ZMYM6: variants seen among roughly 807,000 people sequenced by gnomAD.
ZMYM6 encodes the protein zinc finger MYM-type protein 6.
A neutral mutation model predicts 134.0 loss-of-function variants in ZMYM6; 90 were observed. The observed-to-expected ratio is 0.67, with a 90% CI of 0.57 to 0.80. ZMYM6 has a LOEUF of 0.80. Among genes scored for constraint, ZMYM6 ranks in the 30% least tolerant of loss-of-function variants. The pLI is 0.00. For synonymous variants in ZMYM6, 481 were observed against 524.1 expected, an observed-to-expected ratio of 0.92 and a Z score of 1.12; for missense variants, 1,362 against 1,533.9, an observed-to-expected ratio of 0.89 and a Z score of 1.87.
In ZMYM6 at chr1:34,999,726, A is replaced by G. The variant is rs371038009; in HGVS notation, c.1992+4242T>C. Among the ~76,000 whole-genome samples, 9 of 152,344 alleles carry G rather than the reference A, an allele frequency of 5.9e-5. No individual in the cohort carries two copies. In the East Asian group the frequency reaches 1.2e-3, roughly 20 times the overall value. On this transcript the variant is annotated intron_variant, in intron 14 of 15. Coordinates refer to ENST00000357182, the MANE Select transcript of ZMYM6 (RefSeq NM_007167.4). Reference sequence around the variant, plus strand: ...ACAATAAGATACCACCAAACAGATTAGCAAAAAAAGTTTAAATTTGACAAC... The same window carrying G: ...ACAATAAGATACCACCAAACAGATTGGCAAAAAAAGTTTAAATTTGACAAC...
chr1:35,015,043 G>A lies in ZMYM6; in HGVS notation c.548C>T (p.Thr183Ile). The A allele has an allele frequency of 1.2e-6, 2 of 1,613,866 alleles. No homozygotes were observed. Among genetic ancestry groups the A allele is most frequent in the East Asian group, 2.2e-5 (1 of 44,870 alleles). ...AGTTGAAATGCTTTTGGTATATATG[G>A]TAACAACAGGTTTTTTCTTTAGCTC... ...SYELKKKPVV[T>I]IYTKSISTKC... The change falls in exon 5 of 16, where the codon ACC becomes ATC. Residue 183 changes from threonine (T) to isoleucine (I), a missense_variant. Coordinates refer to ENST00000357182, the MANE Select transcript of ZMYM6 (RefSeq NM_007167.4).
chr1:35,020,566 T>C (rs1344542410), intron 2 of ZMYM6, 99 bp from the exon 3 acceptor site: 42 of 332,584 alleles, frequency 1.3e-4, no homozygotes, highest in Middle Eastern at 1.0e-3. Context: ...CCTATTCATC[T>C]CCTTTTTTTT....
intron 15 of ZMYM6, chr1:34,990,218 C>T (rs1045503069): frequency 2.6e-5 from 5 of 191,448 alleles, no homozygotes; most frequent in Non-Finnish European, 5.9e-5. Flanking sequence ...CGGTGGCTCA[C>T]GCTTGTAATC....
At position 34,987,953 on chromosome 1, in the gene ZMYM6, A is replaced by G. The variant is rs1331288186; in HGVS notation, c.3129T>C (p.Asn1043=). 6.4e-7 allele frequency: 1 copy of G among 1,551,538 alleles called. No individual in the cohort carries two copies. The highest frequency in any genetic ancestry group is 2.4e-5 in the East Asian group (1 of 40,928). The change falls in exon 16 of 16, where the codon AAT becomes AAC. Residue 1043 remains asparagine, a synonymous_variant. Transcript: ENST00000357182. ...TTGTTAACATACGTGAATTTAATGC[A>G]TTGCTCTTTATAAAACTTAAAATTT... The part of the protein sequence containing the change: ...SAQILSFIKS[N]ALNSRMLTIL...
chr1:35,018,067 A>C (rs1641235810), intron 4 of ZMYM6: 1 of 152,150 alleles, frequency 6.6e-6, no homozygotes, highest in Admixed American at 6.6e-5. Context: ...TCTCCTGGCC[A>C]CATGTGATGG....
At chr1:34,992,040 C>A in intron 15 of ZMYM6, 194 bp downstream of exon 15, 1 of 712,440 alleles carries the variant, frequency 1.4e-6, no homozygotes, top group Non-Finnish European at 2.4e-6. Flanking sequence ...ATTATAATAG[C>A]TTGTTATGAT....
intron 4 of ZMYM6, chr1:35,018,431 T>C (rs1641244559): frequency 6.6e-6 from 1 of 151,900 alleles, no homozygotes; most frequent in East Asian, 1.9e-4. Context: ...AAAGACAAAA[T>C]AGGGGCCTAC....
At position 34,992,398 on chromosome 1, in the gene ZMYM6, G is replaced by C. The variant is rs1276766158; in HGVS notation, c.1993-11C>G. 1 of 1,606,084 alleles carries C rather than the reference G, an allele frequency of 6.2e-7. No homozygotes were observed. Among genetic ancestry groups the C allele is most frequent in the Non-Finnish European group, 8.5e-7 (1 of 1,178,048 alleles). ...TTCCTGTGTACTTTCCTAGTTAAAA[G>C]CAAATTCAGAAACCAAAGAAAGATT... On this transcript the variant is annotated splice_polypyrimidine_tract_variant and intron_variant, in intron 14 of 15. Coordinates refer to ENST00000357182, the MANE Select transcript of ZMYM6 (RefSeq NM_007167.4).
At position 34,997,541 on chromosome 1, in the gene ZMYM6, G is replaced by A. The variant is rs1006927650; in HGVS notation, c.1993-5154C>T. Among the ~76,000 whole-genome samples, 4 of 152,250 alleles carry A rather than the reference G, an allele frequency of 2.6e-5. No individual in the cohort carries two copies. The Middle Eastern group carries it at 0.014, about 518-fold the overall frequency. On this transcript the variant is annotated intron_variant, in intron 14 of 15. Transcript: ENST00000357182. ...GCTGGTCTTGAACTCCTGCCCTTAAGAGATTTGCCCACCTCGGCCTCCCAA... is the reference window on the plus strand; with the variant it reads ...GCTGGTCTTGAACTCCTGCCCTTAAAAGATTTGCCCACCTCGGCCTCCCAA...
intron 2 of ZMYM6, 71 bp downstream of exon 2, chr1:35,030,476 A>G: frequency 6.8e-7 from 1 of 1,474,162 alleles, no homozygotes; most frequent in South Asian, 1.2e-5. Context: ...CCGTTTAACT[A>G]AAATTTTTCA....
In ZMYM6 at chr1:35,024,360, G is replaced by T. The variant is rs191932740; in HGVS notation, c.94-3893C>A. Among the ~76,000 whole-genome samples, 5 of 152,274 alleles carry T rather than the reference G, an allele frequency of 3.3e-5. No homozygotes were observed. In the East Asian group the frequency reaches 9.7e-4, roughly 29 times the overall value. The stretch of plus-strand genomic sequence containing the variant: ...TCTGGAAGCCCTACATCTCCAAGTA[G>T]ATAACTTTCTAATCTCAAATCCCAG... On this transcript the variant is annotated intron_variant, in intron 2 of 15. Transcript: ENST00000357182.
chr1:35,023,001 G>A (rs1641338355), intron 2 of ZMYM6, among the ~76,000 whole-genome samples: 1 of 152,114 alleles, frequency 6.6e-6, no homozygotes. Flanking sequence ...CTAACCCATA[G>A]GGCCAACGGG....
chr1:34,996,517 T>C (rs1253415113), intron 14 of ZMYM6, among the ~76,000 whole-genome samples: 1 of 152,226 alleles, frequency 6.6e-6, no homozygotes. Flanking sequence ...GCAACCACTA[T>C]TACCCATTTA....
In ZMYM6 at chr1:34,988,319, G is replaced by C. The variant is rs1358114866; in HGVS notation, c.2763C>G (p.Ile921Met). 1.3e-5 allele frequency: 20 copies of C among 1,550,996 alleles called. No homozygotes were observed. In the East Asian group the frequency reaches 4.9e-4, roughly 38 times the overall value. Residue 921 changes from isoleucine to methionine, a missense_variant, in exon 16 of 16, where the codon ATC becomes ATG. Ile to Met is a conservative substitution (Grantham distance 10, BLOSUM62 1). Around this residue, in one of 3 missense-constraint regions of ZMYM6, gnomAD observed 824 missense variants for 940.9 expected, o/e 0.88. Coordinates refer to ENST00000357182, the MANE Select transcript of ZMYM6 (RefSeq NM_007167.4). ...AACGAATATAGCACAAAAGAAGTGT[G>C]ATATTTGAGATTTCTGATGACTCAT... ...QIDESSEISN[I>M]TLLLCYIRFI...
chr1:34,993,481 T>C (rs554322780), intron 14 of ZMYM6, among the ~76,000 whole-genome samples: 2 of 152,164 alleles, frequency 1.3e-5, no homozygotes, highest in African/African-American at 2.4e-5. Flanking sequence ...TACATTTGAC[T>C]ACCTCAAAAT....
chr1:35,030,958 T>C (rs1402239484), intron 1 of ZMYM6, among the ~76,000 whole-genome samples: 1 of 152,206 alleles, frequency 6.6e-6, no homozygotes, highest in Non-Finnish European at 1.5e-5. Context: ...TCTGGTTTTT[T>C]CCTATGTTGA....
rs2148455249 is a variant in ZMYM6, at chr1:35,014,807, T to G, written c.685A>C (p.Asn229His). 1.9e-6 allele frequency: 3 copies of G among 1,614,212 alleles called. No homozygotes were observed. The highest frequency in any genetic ancestry group is 2.5e-6 in the Non-Finnish European group (3 of 1,180,042). ...TTCTCACAACAGTTCATGGTGAGGT[T>G]GTTTGTAGAGTGAAATTTTGAAAAA... ...ACFSKFHSTN[N>H]LTMNCCENCG... The change falls in exon 6 of 16, where the codon AAC (asparagine) becomes CAC (histidine). Residue 229 changes from asparagine (N) to histidine (H), a missense_variant. By Grantham distance (68) the Asn-to-His change is moderately conservative (BLOSUM62 1). Transcript: ENST00000357182.
chr1:34,988,920 T>C lies in ZMYM6; in HGVS notation c.2162A>G (p.Asn721Ser), dbSNP rs907912332. Residue 721 changes from asparagine to serine, a missense_variant, in exon 16 of 16, where the codon AAT becomes AGT. By Grantham distance (46) the Asn-to-Ser change is conservative (BLOSUM62 1). Transcript: ENST00000357182. ...KECQTDLPMP[N>S]EKNDAELDSP... ...ATCAAGTTCTGCATCATTTTTTTCA[T>C]TAGGCATAGGTAAATCTGAATGAAA... 3.1e-6 allele frequency: 5 copies of C among 1,611,796 alleles called. No homozygotes were observed. The highest frequency in any genetic ancestry group is 1.7e-5 in the Admixed American group (1 of 59,742).
intron 6 of ZMYM6, among the ~76,000 whole-genome samples, chr1:35,013,958 G>C (rs1399226756): frequency 6.6e-6 from 1 of 152,148 alleles, no homozygotes; most frequent in Non-Finnish European, 1.5e-5. Context: ...CCAAAGTGCT[G>C]GGATTACAGG....
Sources: allele counts gnomAD v4.1 joint callset (sites outside exome capture counted in the v4.1 genomes callset), GRCh38; gene constraint gnomAD v4.1.1; regional missense constraint gnomAD v4.1.1; transcripts MANE v1.5; gene names NCBI Gene and HGNC (gene_info 2026-07-23, HGNC 2026-07-21).